FAM20C: variants seen among roughly 807,000 people sequenced by gnomAD.
FAM20C encodes the protein FAM20C golgi associated secretory pathway kinase.
A neutral mutation model predicts 51.5 loss-of-function variants in FAM20C; 40 were observed. The ratio of observed to expected loss-of-function variants is 0.78; its 90% CI spans 0.60 to 1.01. The LOEUF (loss-of-function observed/expected upper bound fraction) is 1.01, where lower values mean the gene tolerates loss of function less well. Ranked by LOEUF, FAM20C falls within the 50% of genes least tolerant of loss-of-function variation. The pLI, the probability that FAM20C is intolerant of heterozygous loss-of-function variation, is 0.00. For missense variants in FAM20C, 861 were observed against 844.7 expected (o/e 1.02, Z -0.24); for synonymous variants, 406 against 380.6 (o/e 1.07, Z -0.78).
intron 3 of FAM20C, among the ~76,000 whole-genome samples, chr7:232,160 T>C (rs1787716008): frequency 6.6e-6 from 1 of 152,212 alleles, no homozygotes. Flanking sequence ...GGACAGTGGC[T>C]CTTTGCTGAC....
At chr7:202,477 C>G (rs1786180579) in intron 2 of FAM20C, among the ~76,000 whole-genome samples, 2 of 130,884 alleles carry the variant, frequency 1.5e-5, no homozygotes, top group Non-Finnish European at 3.2e-5. Context: ...TTCCCATGTG[C>G]ATAGAGAGAA....
In FAM20C at chr7:195,718, G is replaced by C; in HGVS notation, c.770G>C (p.Arg257Thr). The change falls in exon 2 of 10, where the codon AGG becomes ACG. Residue 257 changes from arginine (R) to threonine (T), a missense_variant. Transcript: ENST00000313766. ...CTGCTGCACGACCTCAGCTCCCAGA[G>C]GATCACCAGCGTGGGTAGGTGTCCT... ...EALLHDLSSQ[R>T]ITSVAMKSGG... 1 of 1,606,372 alleles carries C rather than the reference G, an allele frequency of 6.2e-7. No individual in the cohort carries two copies. The highest frequency in any genetic ancestry group is 8.5e-7 in the Non-Finnish European group (1 of 1,176,038).
In FAM20C at chr7:200,192, G is replaced by A. The variant is rs937769481; in HGVS notation, c.784+4460G>A. 5.3e-5 allele frequency among the ~76,000 whole-genome samples: 8 copies of A among 152,218 alleles called. No homozygotes were observed. In the East Asian group the frequency reaches 5.8e-4, roughly 11 times the overall value. ...GGAGCAGGGCTCCTTGGAAGGCAGC[G>A]CCAGCTCCAGAAAGGCCACTGTTCC... On this transcript the variant is annotated intron_variant, in intron 2 of 9. Transcript: ENST00000313766.
intron 6 of FAM20C, chr7:256,387 C>T: frequency 1.7e-6 from 1 of 573,230 alleles, no homozygotes; most frequent in Non-Finnish European, 3.1e-6. Flanking sequence ...TAGTCCAGGT[C>T]CTGTTTCCCC....
At chr7:211,958 G>A (rs1023272122) in intron 3 of FAM20C, among the ~76,000 whole-genome samples, 2 of 152,188 alleles carry the variant, frequency 1.3e-5, no homozygotes, top group Non-Finnish European at 2.9e-5. Flanking sequence ...TTAGGGCGTT[G>A]GCTGGTGCCC....
intron 1 of FAM20C, among the ~76,000 whole-genome samples, chr7:195,057 C>T (rs886255715): frequency 2.6e-5 from 4 of 152,204 alleles, no homozygotes; most frequent in African/African-American, 9.7e-5. Context: ...CCTCTTGCAT[C>T]ATTGTGCCCC....
intron 3 of FAM20C, among the ~76,000 whole-genome samples, chr7:230,372 T>TGGGG (rs58866144): frequency 0.014 from 102 of 7,474 alleles, 3 homozygotes; most frequent in Non-Finnish European, 0.021. Context: ...CAGGACGGGG[T>TGGGG]GGGGGGGGGG....
intron 4 of FAM20C, among the ~76,000 whole-genome samples, chr7:247,927 T>C (rs960932285): frequency 1.3e-5 from 2 of 152,272 alleles, no homozygotes; most frequent in East Asian, 3.8e-4. Context: ...GCTCTCGCCC[T>C]GCATTCTCCA....
chr7:255,653 C>T (rs564711027), intron 5 of FAM20C, among the ~76,000 whole-genome samples, 196 bp from the exon 6 acceptor site: 23 of 152,184 alleles, frequency 1.5e-4, no homozygotes, highest in African/African-American at 4.8e-4. Flanking sequence ...TGTGTGGCCT[C>T]GGGACGTCAG....
intron 3 of FAM20C, among the ~76,000 whole-genome samples, chr7:222,572 GC>G (rs1787274343): frequency 1.3e-5 from 2 of 152,146 alleles, no homozygotes; most frequent in South Asian, 4.1e-4. Context: ...AGACCCTGGG[GC>G]CAGGATCCCA....
intron 2 of FAM20C, among the ~76,000 whole-genome samples, chr7:206,395 C>T (rs1354619925): frequency 6.6e-6 from 1 of 152,100 alleles, no homozygotes; most frequent in Non-Finnish European, 1.5e-5. Flanking sequence ...TTCCCTTTCC[C>T]TGGGACCCCC....
At chr7:245,084 G>T (rs1019497044) in intron 3 of FAM20C, among the ~76,000 whole-genome samples, 1 of 152,220 alleles carries the variant, frequency 6.6e-6, no homozygotes, top group African/African-American at 2.4e-5. Context: ...CGATGATGTC[G>T]GCCCGTGGCA....
intron 1 of FAM20C, among the ~76,000 whole-genome samples, chr7:194,845 G>C (rs1328559845): frequency 6.6e-6 from 1 of 150,870 alleles, no homozygotes; most frequent in East Asian, 2.0e-4. Context: ...AGGTGAATTC[G>C]AGCTAGGACA....
At chr7:251,738 T>A (rs549049967) in intron 5 of FAM20C, among the ~76,000 whole-genome samples, 1 of 152,166 alleles carries the variant, frequency 6.6e-6, no homozygotes, top group African/African-American at 2.4e-5. Flanking sequence ...CAGCACTTTA[T>A]TAAGCGCTCC....
intron 3 of FAM20C, among the ~76,000 whole-genome samples, chr7:220,078 A>T (rs1364839918): frequency 6.6e-6 from 1 of 151,948 alleles, no homozygotes; most frequent in Admixed American, 6.6e-5. Context: ...GCTCCTGCTG[A>T]CTCCCTGGGG....
chr7:222,971 G>A (rs993623643), intron 3 of FAM20C, among the ~76,000 whole-genome samples: 1 of 151,990 alleles, frequency 6.6e-6, no homozygotes, highest in Non-Finnish European at 1.5e-5. Context: ...TTCATCTGTT[G>A]TCATGCAGGT....
At chr7:256,865 G>A (rs1336844780) in intron 7 of FAM20C, 102 bp downstream of exon 7, 25 of 1,418,424 alleles carry the variant, frequency 1.8e-5, no homozygotes, top group East Asian at 5.0e-5. Context: ...GCCCGGCTGC[G>A]GTCCTGTGGC....
rs181946702 is a variant in FAM20C, at chr7:210,352, G to A, written c.863+1376G>A. Among the ~76,000 whole-genome samples, 35 of 152,270 alleles carry A rather than the reference G, an allele frequency of 2.3e-4. No homozygotes were observed. The East Asian group carries it at 4.7e-3, about 20-fold the overall frequency. The stretch of plus-strand genomic sequence containing the variant: ...TCAGCCAGGAGAGATGGCGTCGCCC[G>A]GAGACCTGAGGGTCTCCTGGGTTAC... On this transcript the variant is annotated intron_variant, in intron 3 of 9. Coordinates refer to ENST00000313766, the MANE Select transcript of FAM20C (RefSeq NM_020223.4).
At chr7:207,991 G>A (rs1426527848) in intron 2 of FAM20C, among the ~76,000 whole-genome samples, 2 of 152,356 alleles carry the variant, frequency 1.3e-5, no homozygotes, top group South Asian at 2.1e-4. Context: ...ACACCCCAGC[G>A]AGTCCTTGCG....
Sources: allele counts gnomAD v4.1 joint callset (sites outside exome capture counted in the v4.1 genomes callset), GRCh38; gene constraint gnomAD v4.1.1; transcripts MANE v1.5; gene names NCBI Gene and HGNC (gene_info 2026-07-23, HGNC 2026-07-21).